The following SMC2 variants were observed in gnomAD, a reference collection of about 807,000 sequenced individuals.
The protein encoded by SMC2 is structural maintenance of chromosomes protein 2.
SMC2 carries 41 observed loss-of-function variants against 142.6 expected under a neutral mutation model. The ratio of observed to expected loss-of-function variants is 0.29; its 90% CI spans 0.22 to 0.37. The LOEUF (loss-of-function observed/expected upper bound fraction) is 0.37. SMC2 is among the 10% of genes least tolerant of loss of function. The pLI, the probability that SMC2 is intolerant of heterozygous loss-of-function variation, is 1.00. For synonymous variants in SMC2, 463 were observed against 457.5 expected, an observed-to-expected ratio of 1.01 and a Z score of -0.15; for missense variants, 1,265 against 1,373.7, an observed-to-expected ratio of 0.92 and a Z score of 1.25.
intron 9 of SMC2, among the ~76,000 whole-genome samples, chr9:104,104,891 G>A (rs929315204): frequency 6.6e-6 from 1 of 152,212 alleles, no homozygotes; most frequent in Non-Finnish European, 1.5e-5. Context: ...CAGGCAGGAT[G>A]ATCAGGCCTG....
Position 104,123,183 on chromosome 9 carries a change from C to T in SMC2, c.2208C>T (p.Ser736=). The change falls in exon 17 of 25, where the codon AGC becomes AGT. Residue 736 remains serine (S), a synonymous_variant. Coordinates refer to ENST00000374793, the MANE Select transcript of SMC2 (RefSeq NM_006444.3). Reference sequence around the variant, plus strand: ...TATTACAAACCAAGCTCCAGCAAAGCTCATATCACAAGCAACAAGAAGAAT... The same window carrying T: ...TATTACAAACCAAGCTCCAGCAAAGTTCATATCACAAGCAACAAGAAGAAT... The part of the protein sequence containing the change: ...ADLLQTKLQQ[S]SYHKQQEELD... The T allele has an allele frequency of 1.2e-6, 2 of 1,612,556 alleles. No homozygotes were observed.
At chr9:104,133,950 T>G (rs74728606) in intron 22 of SMC2, among the ~76,000 whole-genome samples, 8,632 of 152,192 alleles carry the variant, frequency 0.057, 657 homozygotes, top group African/African-American at 0.18. Flanking sequence ...TTTTAGAGGA[T>G]AACATTTTAT....
At chr9:104,129,083 T>G (rs182838547) in intron 20 of SMC2, among the ~76,000 whole-genome samples, 184 of 152,340 alleles carry the variant, frequency 1.2e-3, no homozygotes, top group Middle Eastern at 3.4e-3. Flanking sequence ...AAAATTTCTC[T>G]GTGAGTTGGC....
Position 104,134,580 on chromosome 9 carries a change from G to A in SMC2, c.3269+5G>A. 2 of 1,547,802 alleles carry A rather than the reference G, an allele frequency of 1.3e-6. No individual in the cohort carries two copies. The highest frequency in any genetic ancestry group is 1.7e-6 in the Non-Finnish European group (2 of 1,153,050). ...TGAACTTAGTGGTGGTCAGAGGTGA[G>A]GAATCACTTTGCTATATTATAATTT... On this transcript the variant is annotated splice_donor_5th_base_variant and intron_variant, in intron 23 of 24. Transcript: ENST00000374793.
rs768625468 is a variant in SMC2 at position 104,126,743 on chromosome 9, A to G, written c.2554A>G (p.Ser852Gly). 1 of 1,612,396 alleles carries G rather than the reference A, an allele frequency of 6.2e-7. No individual in the cohort carries two copies. The highest frequency in any genetic ancestry group is 2.2e-5 in the East Asian group (1 of 44,842). The change falls in exon 19 of 25, where the codon AGT (serine) becomes GGT (glycine). Residue 852 changes from serine to glycine, a missense_variant. Ser to Gly is a moderately conservative substitution (Grantham distance 56). Coordinates refer to ENST00000374793, the MANE Select transcript of SMC2 (RefSeq NM_006444.3). Reference sequence around the variant, plus strand: ...AAATGAAGCTATCAAATCCTATGAAAGTCAGATTGAAGTAATGGCAGCTGA... The same window carrying G: ...AAATGAAGCTATCAAATCCTATGAAGGTCAGATTGAAGTAATGGCAGCTGA... ...AVNEAIKSYE[S>G]QIEVMAAEVA...
chr9:104,093,174 T>C (rs1389940463), upstream of SMC2: 1 of 152,240 alleles, frequency 6.6e-6, no homozygotes, highest in African/African-American at 2.4e-5. Context: ...AATAGCATTG[T>C]TGCCCACACC....
chr9:104,114,324 T>C (rs1266307239), intron 12 of SMC2, among the ~76,000 whole-genome samples: 1 of 152,180 alleles, frequency 6.6e-6, no homozygotes, highest in African/African-American at 2.4e-5. Context: ...GGAAATTTAA[T>C]CTCAGTTCAA....
Position 104,098,531 on chromosome 9 carries a change from G to A in SMC2, c.404G>A (p.Gly135Asp). 6.3e-7 allele frequency: 1 copy of A among 1,595,884 alleles called. No homozygotes were observed. The highest frequency in any genetic ancestry group is 8.5e-7 in the Non-Finnish European group (1 of 1,173,362). Residue 135 changes from glycine to aspartate, a missense_variant, in exon 4 of 25, where the codon GGC becomes GAC. By Grantham distance (94) the Gly-to-Asp change is moderately conservative (BLOSUM62 -1). Transcript: ENST00000374793. Reference protein sequence around the residue: ...TRVQDLFCSVGLNVNNPHFLI... With the variant: ...TRVQDLFCSVDLNVNNPHFLI... ...GTACAGGATCTCTTCTGTTCTGTTGGCCTTAATGTTAACAACCCTCACTTT... is the reference window on the plus strand; with the variant it reads ...GTACAGGATCTCTTCTGTTCTGTTGACCTTAATGTTAACAACCCTCACTTT...
At chr9:104,109,194 C>T (rs191881218) in intron 9 of SMC2, among the ~76,000 whole-genome samples, 31 of 152,196 alleles carry the variant, frequency 2.0e-4, no homozygotes, top group Non-Finnish European at 3.4e-4. Flanking sequence ...TTAACATATC[C>T]GGAATAGAAT....
At chr9:104,107,815 CTG>C (rs1355738179) in intron 9 of SMC2, among the ~76,000 whole-genome samples, 2 of 152,208 alleles carry the variant, frequency 1.3e-5, no homozygotes, top group African/African-American at 4.8e-5. Flanking sequence ...ACATTTTTAT[CTG>C]TAGTGGGTTT....
At chr9:104,114,947 AG>A in intron 13 of SMC2, 118 bp downstream of exon 13, 1 of 704,446 alleles carries the variant, frequency 1.4e-6, no homozygotes, top group Non-Finnish European at 2.1e-6. Context: ...ACTTATTTAT[AG>A]GGTAAAACTA....
intron 14 of SMC2, among the ~76,000 whole-genome samples, chr9:104,117,074 A>C (rs1296939815): frequency 6.6e-6 from 1 of 152,154 alleles, no homozygotes; most frequent in Non-Finnish European, 1.5e-5. Flanking sequence ...TTCAATGCAA[A>C]TGATTTCAAA....
chr9:104,136,987 A>C (rs1262898420), intron 23 of SMC2, among the ~76,000 whole-genome samples: 1 of 152,014 alleles, frequency 6.6e-6, no homozygotes, highest in Admixed American at 6.6e-5. Flanking sequence ...GTCTCAACTA[A>C]AACTACAAAA....
rs150554882 is a variant in SMC2 at position 104,096,240 on chromosome 9, C to A, written c.261C>A (p.Asp87Glu). Reference protein sequence around the residue: ...ASVSITFDNSDKKQSPLGFEV... With the variant: ...ASVSITFDNSEKKQSPLGFEV... Reference sequence around the variant, plus strand: ...TGTCAATCACTTTTGATAATTCTGACAAAAAGCAAAGTCCTTTAGGATTTG... The same window carrying A: ...TGTCAATCACTTTTGATAATTCTGAAAAAAAGCAAAGTCCTTTAGGATTTG... Residue 87 changes from aspartate (D) to glutamate (E), a missense_variant, in exon 3 of 25, where the codon GAC becomes GAA. Physicochemically the swap from Asp to Glu is conservative, Grantham distance 45. Coordinates refer to ENST00000374793, the MANE Select transcript of SMC2 (RefSeq NM_006444.3). 6.2e-7 allele frequency: 1 copy of A among 1,613,972 alleles called. No homozygotes were observed. Among genetic ancestry groups the A allele is most frequent in the African/African-American group, 1.3e-5 (1 of 74,922 alleles).
chr9:104,125,259 T>G (rs2417486), intron 18 of SMC2, among the ~76,000 whole-genome samples, 154 bp downstream of exon 18: 8,630 of 152,140 alleles, frequency 0.057, 658 homozygotes, highest in African/African-American at 0.18. Context: ...TTCTTACAAG[T>G]CAAAGGAGTA....
At position 104,099,654 on chromosome 9, in the gene SMC2, C is replaced by T. The variant is rs1479378211; in HGVS notation, c.452C>T (p.Thr151Ile). Residue 151 changes from threonine (T) to isoleucine (I), a missense_variant, in exon 5 of 25, where the codon ACA becomes ATA. Coordinates refer to ENST00000374793, the MANE Select transcript of SMC2 (RefSeq NM_006444.3). ...PHFLIMQGRITKVLNMKPPEI... is the reference protein window; with the variant it reads ...PHFLIMQGRIIKVLNMKPPEI... The stretch of plus-strand genomic sequence containing the variant: ...CTATTTTATTTTCAGGGCCGAATTA[C>T]AAAAGTATTGAATATGAAACCTCCA... 6 of 1,570,866 alleles carry T rather than the reference C, an allele frequency of 3.8e-6. No individual in the cohort carries two copies. The highest frequency in any genetic ancestry group is 1.4e-5 in the African/African-American group (1 of 74,046).
intron 22 of SMC2, 49 bp downstream of exon 22, chr9:104,132,174 C>A: frequency 1.0e-6 from 1 of 956,460 alleles, no homozygotes; most frequent in South Asian, 1.4e-5. Context: ...GAAAAAATAT[C>A]ATCAGTGGAG....
At chr9:104,113,051 AAT>A (rs780216952) in intron 10 of SMC2, among the ~76,000 whole-genome samples, 8 of 152,106 alleles carry the variant, frequency 5.3e-5, no homozygotes, top group Non-Finnish European at 7.4e-5. Context: ...CTTCAATTTG[AAT>A]ATGTCATATT....
chr9:104,123,401 T>C (rs1365021195), intron 17 of SMC2, 169 bp downstream of exon 17: 2 of 494,238 alleles, frequency 4.0e-6, no homozygotes, highest in African/African-American at 4.0e-5. Context: ...TTTTCATCTT[T>C]ATTGTATATC....
Sources: allele counts gnomAD v4.1 joint callset (sites outside exome capture counted in the v4.1 genomes callset), GRCh38; gene constraint gnomAD v4.1.1; transcripts MANE v1.5; gene names NCBI Gene and HGNC (gene_info 2026-07-23, HGNC 2026-07-21).